Variants in ITGA4 observed in about 807,000 individuals in gnomAD.
The protein encoded by ITGA4 is integrin alpha-4.
In ITGA4, 63 loss-of-function variants were observed where a neutral mutation model predicts 133.6. The ratio of observed to expected loss-of-function variants is 0.47; its 90% CI spans 0.38 to 0.58. The LOEUF (loss-of-function observed/expected upper bound fraction) is 0.58. Among genes scored for constraint, ITGA4 ranks in the 20% least tolerant of loss-of-function variants. The pLI, the probability that ITGA4 is intolerant of heterozygous loss-of-function variation, is 0.00. For missense variants in ITGA4, 1,076 were observed against 1,252.7 expected (o/e 0.86, Z 2.13); for synonymous variants, 483 against 438.0 (o/e 1.10, Z -1.28).
intron 26 of ITGA4, 47 bp from the exon 27 acceptor site, chr2:181,534,769 G>GATT: frequency 9.4e-7 from 1 of 1,067,652 alleles, no homozygotes; most frequent in African/African-American, 3.1e-5. Flanking sequence ...GTTTTAAACT[G>GATT]ATTTTTTTTT....
At chr2:181,482,743 G>T in intron 9 of ITGA4, 92 bp downstream of exon 9, 3 of 1,253,554 alleles carry the variant, frequency 2.4e-6, no homozygotes, top group Admixed American at 1.9e-5. Context: ...TTGTTTTCAG[G>T]TTTCTTTTAT....
intron 6 of ITGA4, 34 bp from the exon 7 acceptor site, chr2:181,481,564 C>A (rs759696220): frequency 1.7e-6 from 2 of 1,182,334 alleles, no homozygotes; most frequent in East Asian, 2.4e-5. Context: ...TGTACTTTAC[C>A]CAGGACTCTC....
In ITGA4 at chr2:181,462,376, T is replaced by C. The variant is rs764904900; in HGVS notation, c.319+4059T>C. ...TCCTGGTTCATATTATATAACCTAT[T>C]TGAAAGAATTTAATTAGCATTGCAT... is the stretch of plus-strand genomic sequence containing the variant. On this transcript the variant is annotated intron_variant, in intron 2 of 27. Transcript: ENST00000397033. Among the ~76,000 whole-genome samples the C allele has an allele frequency of 5.6e-4, 85 of 152,296 alleles. 1 individual carries two copies. Among genetic ancestry groups the C allele is most frequent in the Middle Eastern group, 3.4e-3 (1 of 294 alleles).
chr2:181,470,310 C>T (rs946967335), intron 2 of ITGA4, among the ~76,000 whole-genome samples: 4 of 151,744 alleles, frequency 2.6e-5, no homozygotes, highest in African/African-American at 9.7e-5. Context: ...TTTAGCTGAT[C>T]AGTTATCATT....
chr2:181,506,099 A>C (rs1686386707), intron 15 of ITGA4, among the ~76,000 whole-genome samples: 1 of 152,086 alleles, frequency 6.6e-6, no homozygotes, highest in Non-Finnish European at 1.5e-5. Flanking sequence ...AGGGATCTTG[A>C]GTACTCTCAG....
chr2:181,497,973 T>C (rs987217276), intron 14 of ITGA4, among the ~76,000 whole-genome samples: 1 of 152,072 alleles, frequency 6.6e-6, no homozygotes, highest in Non-Finnish European at 1.5e-5. Context: ...AGAATATTTA[T>C]TGAGAGAATT....
chr2:181,534,355 T>C lies in ITGA4; in HGVS notation c.2868T>C (p.Asp956=), dbSNP rs201908597. Residue 956 remains aspartate (D), a synonymous_variant, in exon 26 of 28, where the codon GAT becomes GAC. Transcript: ENST00000397033. Reference sequence around the variant, plus strand: ...CAAGAGTAATTGAACTAAACAAGGATGAGAATGTTGCGCATGTAAGATTAC... The same window carrying C: ...CAAGAGTAATTGAACTAAACAAGGACGAGAATGTTGCGCATGTAAGATTAC... ...PNPRVIELNK[D]ENVAHVLLEG... 5.6e-6 allele frequency: 9 copies of C among 1,595,070 alleles called. No individual in the cohort carries two copies. The highest frequency in any genetic ancestry group is 7.7e-6 in the Non-Finnish European group (9 of 1,163,122).
chr2:181,475,409 T>C, intron 4 of ITGA4, 121 bp downstream of exon 4: 2 of 751,330 alleles, frequency 2.7e-6, no homozygotes, highest in Non-Finnish European at 4.3e-6. Flanking sequence ...GTAATTATGT[T>C]CTTTTTAACT....
chr2:181,464,984 ATAAT>A (rs1685377761), intron 2 of ITGA4, among the ~76,000 whole-genome samples: 2 of 152,172 alleles, frequency 1.3e-5, no homozygotes, highest in South Asian at 2.1e-4. Context: ...GTAAAACACT[ATAAT>A]TCACAAAAAT....
chr2:181,479,395 C>T (rs1351580867), intron 5 of ITGA4: 1 of 151,966 alleles, frequency 6.6e-6, no homozygotes, highest in African/African-American at 2.4e-5. Context: ...TTTTTGACTC[C>T]ATGAAGATCA....
At chr2:181,483,345 A>G (rs1386929547) in intron 9 of ITGA4, among the ~76,000 whole-genome samples, 75 of 152,292 alleles carry the variant, frequency 4.9e-4, no homozygotes, top group Non-Finnish European at 1.0e-3. Context: ...TCAAAACAAA[A>G]AATTGGTGGA....
chr2:181,537,550 G>GAGCAGTGAATCAAGGCAGACTTATGAA lies in ITGA4; in HGVS notation c.*2025_*2051dup, dbSNP rs1489152226. 4.5e-6 allele frequency: 2 copies of GAGCAGTGAATCAAGGCAGACTTATGAA among 442,098 alleles called. No homozygotes were observed. Among genetic ancestry groups the GAGCAGTGAATCAAGGCAGACTTATGAA allele is most frequent in the Admixed American group, 2.4e-5 (1 of 40,998 alleles). 27.4% of individuals were successfully genotyped at this position (442,098 alleles called of 1,614,324 possible). On this transcript the variant is annotated 3_prime_UTR_variant, in exon 28 of 28. Transcript: ENST00000397033. ...TGAAATTTAACTGCTCTGGATTAGG[G>GAGCAGTGAATCAAGGCAGACTTATGAA]AGCAGTGAATCAAGGCAGACTTATG... is the stretch of plus-strand genomic sequence containing the variant.
chr2:181,531,902 A>G, intron 25 of ITGA4, 126 bp downstream of exon 25: 2 of 569,988 alleles, frequency 3.5e-6, no homozygotes, highest in South Asian at 6.6e-5. Flanking sequence ...TTTTGGAGTA[A>G]AACTCTAAAA....
intron 2 of ITGA4, chr2:181,459,341 G>A (rs1428087241): frequency 6.6e-6 from 1 of 152,264 alleles, no homozygotes; most frequent in Non-Finnish European, 1.5e-5. Flanking sequence ...TGTCTGCTGA[G>A]CTGATGGGTC....
rs1022862693 is a variant in ITGA4, at chr2:181,510,697, G to C, written c.1845+890G>C. Among the ~76,000 whole-genome samples, 3 of 119,390 alleles carry C rather than the reference G, an allele frequency of 2.5e-5. No homozygotes were observed. In the East Asian group the frequency reaches 7.4e-4, roughly 30 times the overall value. 78.3% of individuals were successfully genotyped at this position (119,390 alleles called of 152,430 possible). A position where few individuals can be genotyped will look rare whatever the true frequency, so the allele number is the denominator to read the frequency against. ...ATCAAATGAAGATAACTGAAGAGCA[G>C]ATTTTTCTCTACACCCTCATATGAA... is the stretch of plus-strand genomic sequence containing the variant. On this transcript the variant is annotated intron_variant, in intron 16 of 27. Transcript: ENST00000397033.
At chr2:181,477,159 C>G (rs907736728) in intron 4 of ITGA4, among the ~76,000 whole-genome samples, 1 of 152,032 alleles carries the variant, frequency 6.6e-6, no homozygotes, top group Non-Finnish European at 1.5e-5. Context: ...AATTGGCTAT[C>G]TGCGTGCAAA....
At chr2:181,507,912 C>T (rs2105754544) in intron 15 of ITGA4, among the ~76,000 whole-genome samples, 1 of 152,156 alleles carries the variant, frequency 6.6e-6, no homozygotes, top group South Asian at 2.1e-4. Flanking sequence ...GTCTAGGACA[C>T]TTTTACTATC....
chr2:181,504,354 T>C (rs576560149), intron 15 of ITGA4, among the ~76,000 whole-genome samples: 1 of 152,112 alleles, frequency 6.6e-6, no homozygotes, highest in Non-Finnish European at 1.5e-5. Flanking sequence ...AGGTGACTTC[T>C]AAAACTCATC....
chr2:181,492,590 G>T (rs191458453), intron 10 of ITGA4, among the ~76,000 whole-genome samples: 1 of 152,066 alleles, frequency 6.6e-6, no homozygotes, highest in Admixed American at 6.6e-5. Context: ...TATATTTATA[G>T]CATTTAAGCA....
Sources: allele counts gnomAD v4.1 joint callset (sites outside exome capture counted in the v4.1 genomes callset), GRCh38; gene constraint gnomAD v4.1.1; transcripts MANE v1.5; gene names NCBI Gene and HGNC (gene_info 2026-07-23, HGNC 2026-07-21).